Variants in SCUBE3 observed in about 807,000 individuals in gnomAD.
SCUBE3 encodes signal peptide, CUB and EGF-like domain-containing protein 3.
SCUBE3 carries 33 observed loss-of-function variants against 116.8 expected under a neutral mutation model. The observed-to-expected ratio is 0.28, with a 90% CI of 0.21 to 0.38. SCUBE3 has a LOEUF of 0.38. Ranked by LOEUF, SCUBE3 falls within the 10% of genes least tolerant of loss-of-function variation. The pLI is 1.00. For missense variants in SCUBE3, 1,007 were observed against 1,324.8 expected, an observed-to-expected ratio of 0.76 and a Z score of 3.72; for synonymous variants, 418 against 496.9, an observed-to-expected ratio of 0.84 and a Z score of 2.11.
intron 1 of SCUBE3, 79 bp from the exon 2 acceptor site, chr6:35,227,501 G>A: frequency 1.3e-6 from 2 of 1,497,246 alleles, no homozygotes; most frequent in Non-Finnish European, 1.9e-6. Context: ...AGGGGATTCT[G>A]CCCTTGGAAG....
rs763600595 is a variant in SCUBE3, at chr6:35,214,425, T to G, written c.7T>G (p.Ser3Ala). MG[S>A]GRVPGLCLLV... ...GCCGCCAGTAGCTCCAGCCATGGGCTCGGGGCGCGTACCCGGGCTCTGCCT... is the reference window on the plus strand; with the variant it reads ...GCCGCCAGTAGCTCCAGCCATGGGCGCGGGGCGCGTACCCGGGCTCTGCCT... Residue 3 changes from serine to alanine, a missense_variant, in exon 1 of 22, where the codon TCG (serine) becomes GCG (alanine). By Grantham distance (99) the Ser-to-Ala change is moderately conservative. Transcript: ENST00000274938. This position sits in a 1 kb window ranked among gnomAD's most constrained non-coding sequence, Gnocchi z 6.3. 12 of 1,467,910 alleles carry G rather than the reference T, an allele frequency of 8.2e-6. No individual in the cohort carries two copies. The Admixed American group carries it at 1.4e-4, about 17-fold the overall frequency. 90.9% of individuals were successfully genotyped at this position (1,467,910 alleles called of 1,614,324 possible).
At position 35,233,339 on chromosome 6, in the gene SCUBE3, TGGGGTG is replaced by T; in HGVS notation, c.712+47_712+52del. 1 of 910,750 alleles carries T rather than the reference TGGGGTG, an allele frequency of 1.1e-6. No homozygotes were observed. The highest frequency in any genetic ancestry group is 1.7e-6 in the Non-Finnish European group (1 of 587,324). 56.4% of individuals were successfully genotyped at this position (910,750 alleles called of 1,614,324 possible). A position where few individuals can be genotyped will look rare whatever the true frequency, so the allele number is the denominator to read the frequency against. ...AGGGGAGAACTCAGTCCACCTGAGA[TGGGGTG>T]GGGGTGGGACCCTTTGGGAACCAGG... On this transcript the variant is annotated intron_variant, in intron 6 of 21. Coordinates refer to ENST00000274938, the MANE Select transcript of SCUBE3 (RefSeq NM_152753.4). This position sits in a 1 kb window ranked among gnomAD's most constrained non-coding sequence, Gnocchi z 5.7.
At position 35,243,997 on chromosome 6, in the gene SCUBE3, G is replaced by A; in HGVS notation, c.2106G>A (p.Gly702=). Residue 702 remains glycine (G), a synonymous_variant, in exon 17 of 22, where the codon GGG becomes GGA. Coordinates refer to ENST00000274938, the MANE Select transcript of SCUBE3 (RefSeq NM_152753.4). The surrounding 1 kb of genome is among the most constrained non-coding windows in gnomAD (Gnocchi z 6.6). ...QCPPGQHSVD[G]FKPCQPCPRG... ...CACCTGGCCAACACTCTGTAGATGG[G>A]TTCAAGCCCTGTCAGCCATGCCCAC... 1 of 1,614,132 alleles carries A rather than the reference G, an allele frequency of 6.2e-7. No homozygotes were observed. The highest frequency in any genetic ancestry group is 8.5e-7 in the Non-Finnish European group (1 of 1,180,000).
chr6:35,217,877 G>C (rs1211969961), intron 1 of SCUBE3, among the ~76,000 whole-genome samples: 3 of 152,180 alleles, frequency 2.0e-5, no homozygotes, highest in Non-Finnish European at 4.4e-5. Context: ...GGACTGCTTA[G>C]AAATTCCTCA....
At chr6:35,226,361 A>G (rs1287973921) in intron 1 of SCUBE3, among the ~76,000 whole-genome samples, 1 of 151,790 alleles carries the variant, frequency 6.6e-6, no homozygotes, top group African/African-American at 2.4e-5. Context: ...CTATCATTAT[A>G]GTGTCTTTCA....
Position 35,214,442 on chromosome 6 carries a change from G to C in SCUBE3, c.24G>C (p.Gly8=). 6.7e-7 allele frequency: 1 copy of C among 1,491,368 alleles called. No homozygotes were observed. The highest frequency in any genetic ancestry group is 2.9e-5 in the East Asian group (1 of 35,050). The allele number at this position is 1,491,368 out of a possible 1,614,324, so 92.4% of individuals were successfully genotyped here. Reference sequence around the variant, plus strand: ...CCATGGGCTCGGGGCGCGTACCCGGGCTCTGCCTGCTTGTCCTGCTGGTCC... The same window carrying C: ...CCATGGGCTCGGGGCGCGTACCCGGCCTCTGCCTGCTTGTCCTGCTGGTCC... The part of the protein sequence containing the change: MGSGRVP[G]LCLLVLLVHA... Residue 8 remains glycine, a synonymous_variant, in exon 1 of 22, where the codon GGG becomes GGC. Coordinates refer to ENST00000274938, the MANE Select transcript of SCUBE3 (RefSeq NM_152753.4). This position sits in a 1 kb window ranked among gnomAD's most constrained non-coding sequence, Gnocchi z 6.3.
chr6:35,236,061 G>A (rs1288322383), intron 6 of SCUBE3, among the ~76,000 whole-genome samples: 1 of 152,186 alleles, frequency 6.6e-6, no homozygotes, highest in Non-Finnish European at 1.5e-5. Flanking sequence ...CCTTAGGCAA[G>A]CTACTTTCCT....
In SCUBE3 at chr6:35,219,093, A is replaced by C. The variant is rs555265111; in HGVS notation, c.85+4590A>C. Among the ~76,000 whole-genome samples the C allele has an allele frequency of 2.6e-5, 4 of 152,098 alleles. No homozygotes were observed. The South Asian group carries it at 8.3e-4, about 32-fold the overall frequency. On this transcript the variant is annotated intron_variant, in intron 1 of 21. Coordinates refer to ENST00000274938, the MANE Select transcript of SCUBE3 (RefSeq NM_152753.4). This position sits in a 1 kb window ranked among gnomAD's most constrained non-coding sequence, Gnocchi z 4.7. ...ATGCTGGTCCACTTCTGCCTGCCTG[A>C]GGCTAGGTCATCTGGATACTCTTCC...
intron 1 of SCUBE3, chr6:35,218,090 C>G (rs540127705): frequency 2.7e-4 from 263 of 977,686 alleles, no homozygotes; most frequent in Middle Eastern, 2.1e-3. Flanking sequence ...CAGTCATCAG[C>G]AGCCCTCAAA....
Position 35,233,929 on chromosome 6 carries a change from C to T in SCUBE3, c.712+628C>T, listed in dbSNP as rs1198756535. 1.3e-5 allele frequency among the ~76,000 whole-genome samples: 2 copies of T among 152,144 alleles called. No homozygotes were observed. Among genetic ancestry groups the T allele is most frequent in the Non-Finnish European group, 2.9e-5 (2 of 68,006 alleles). ...TCTCCTCCAGATGCCAGTGGTACTC[C>T]CTCTCAGCTCCACCAGCAACCCTGT... On this transcript the variant is annotated intron_variant, in intron 6 of 21. Coordinates refer to ENST00000274938, the MANE Select transcript of SCUBE3 (RefSeq NM_152753.4). The surrounding 1 kb of genome is among the most constrained non-coding windows in gnomAD (Gnocchi z 5.7).
In SCUBE3 at chr6:35,244,578, C is replaced by G. The variant is rs1046925615; in HGVS notation, c.2240-72C>G. 6 of 1,204,102 alleles carry G rather than the reference C, an allele frequency of 5.0e-6. No homozygotes were observed. The African/African-American group carries it at 9.0e-5, about 18-fold the overall frequency. The allele number at this position is 1,204,102 out of a possible 1,614,324, so 74.6% of individuals were successfully genotyped here. ...TCCTGATTCTCCAGGATGAATGTATCCTGTCCATCCCATGCCCCGTAACTC... is the reference window on the plus strand; with the variant it reads ...TCCTGATTCTCCAGGATGAATGTATGCTGTCCATCCCATGCCCCGTAACTC... On this transcript the variant is annotated intron_variant, in intron 17 of 21. Transcript: ENST00000274938. This position sits in a 1 kb window ranked among gnomAD's most constrained non-coding sequence, Gnocchi z 4.3.
Position 35,214,675 on chromosome 6 carries a change from G to A in SCUBE3, c.85+172G>A, listed in dbSNP as rs935531755. Among the ~76,000 whole-genome samples, 3 of 152,214 alleles carry A rather than the reference G, an allele frequency of 2.0e-5. No homozygotes were observed. Among genetic ancestry groups the A allele is most frequent in the Non-Finnish European group, 4.4e-5 (3 of 68,034 alleles). On this transcript the variant is annotated intron_variant, in intron 1 of 21. Coordinates refer to ENST00000274938, the MANE Select transcript of SCUBE3 (RefSeq NM_152753.4). The surrounding 1 kb of genome is among the most constrained non-coding windows in gnomAD (Gnocchi z 6.3). ...GCCCGACCGCTGGGCGCTGCGCCCCGAGCGAAAAGCCGGACAAGCTGGGGG... is the reference window on the plus strand; with the variant it reads ...GCCCGACCGCTGGGCGCTGCGCCCCAAGCGAAAAGCCGGACAAGCTGGGGG...
At chr6:35,247,299 G>A (rs879854925) in intron 21 of SCUBE3, among the ~76,000 whole-genome samples, 2 of 151,980 alleles carry the variant, frequency 1.3e-5, no homozygotes, top group African/African-American at 2.4e-5. Flanking sequence ...TTAGCTGGGT[G>A]TGGTGGCGGG....
At chr6:35,247,667 T>C (rs985647024) in intron 21 of SCUBE3, among the ~76,000 whole-genome samples, 1 of 152,216 alleles carries the variant, frequency 6.6e-6, no homozygotes, top group Non-Finnish European at 1.5e-5. Context: ...AAATGTACTG[T>C]GGAATTCCAA....
At position 35,242,731 on chromosome 6, in the gene SCUBE3, A is replaced by C; in HGVS notation, c.1644A>C (p.Thr548=). 6.2e-7 allele frequency: 1 copy of C among 1,614,124 alleles called. No homozygotes were observed. Among genetic ancestry groups the C allele is most frequent in the Non-Finnish European group, 8.5e-7 (1 of 1,179,946 alleles). ...RARTPPGKEV[T]RLTLELEAEV... is the part of the protein sequence containing the mutation. ...GGACCCCTCCAGGCAAAGAGGTCAC[A>C]AGGCTCACCCTGGAACTGGAGGCAG... The change falls in exon 14 of 22, where the codon ACA becomes ACC. Residue 548 remains threonine (T), a synonymous_variant. Coordinates refer to ENST00000274938, the MANE Select transcript of SCUBE3 (RefSeq NM_152753.4).
chr6:35,226,480 C>CTTTTTTTTTTTTTT (rs764779695), intron 1 of SCUBE3, among the ~76,000 whole-genome samples: 18 of 85,226 alleles, frequency 2.1e-4, no homozygotes, highest in African/African-American at 5.8e-4. Flanking sequence ...TTTCTATGTC[C>CTTTTTTTTTTTTTT]TTTTTTTTTT....
intron 1 of SCUBE3, 23 bp from the exon 2 acceptor site, chr6:35,227,557 T>C: frequency 1.2e-6 from 2 of 1,613,962 alleles, no homozygotes; most frequent in Non-Finnish European, 1.7e-6. Flanking sequence ...GAGGTTCTCA[T>C]GTGCCCCCTC....
At position 35,214,652 on chromosome 6, in the gene SCUBE3, C is replaced by T; in HGVS notation, c.85+149C>T. 4.3e-6 allele frequency: 2 copies of T among 464,900 alleles called. No homozygotes were observed. The highest frequency in any genetic ancestry group is 7.1e-6 in the Non-Finnish European group (2 of 282,782). 28.8% of individuals were successfully genotyped at this position (464,900 alleles called of 1,614,324 possible). A position where few individuals can be genotyped will look rare whatever the true frequency, so the allele number is the denominator to read the frequency against. ...GCACCCGGACTCCCCGGCCAGGGGC[C>T]CGACCGCTGGGCGCTGCGCCCCGAG... On this transcript the variant is annotated intron_variant, in intron 1 of 21. Coordinates refer to ENST00000274938, the MANE Select transcript of SCUBE3 (RefSeq NM_152753.4). The surrounding 1 kb of genome is among the most constrained non-coding windows in gnomAD (Gnocchi z 6.3).
rs1782805438 is a variant in SCUBE3, at chr6:35,214,445, C to T, written c.27C>T (p.Leu9=). ...TGGGCTCGGGGCGCGTACCCGGGCTCTGCCTGCTTGTCCTGCTGGTCCACG... is the reference window on the plus strand; with the variant it reads ...TGGGCTCGGGGCGCGTACCCGGGCTTTGCCTGCTTGTCCTGCTGGTCCACG... MGSGRVPG[L]CLLVLLVHAR... is the part of the protein sequence containing the mutation. The change falls in exon 1 of 22, where the codon CTC becomes CTT. Residue 9 remains leucine, a synonymous_variant. Coordinates refer to ENST00000274938, the MANE Select transcript of SCUBE3 (RefSeq NM_152753.4). The surrounding 1 kb of genome is among the most constrained non-coding windows in gnomAD (Gnocchi z 6.3). The T allele has an allele frequency of 1.3e-6, 2 of 1,497,054 alleles. No individual in the cohort carries two copies. Among genetic ancestry groups the T allele is most frequent in the Non-Finnish European group, 1.8e-6 (2 of 1,127,514 alleles). 92.7% of individuals were successfully genotyped at this position (1,497,054 alleles called of 1,614,324 possible).
Sources: gnomAD v4.1 joint callset for allele counts (sites outside exome capture counted in the v4.1 genomes callset) on GRCh38, gnomAD v4.1.1 for gene constraint, Gnocchi (gnomAD v3.1) non-coding constraint, MANE v1.5 for transcripts, NCBI Gene and HGNC (gene_info 2026-07-23, HGNC 2026-07-21) for gene names.